The following HIF1A variants were observed in gnomAD, a reference collection of about 807,000 sequenced individuals.
The protein encoded by HIF1A is hypoxia inducible factor 1 subunit alpha, also known as hypoxia-inducible factor 1-alpha.
HIF1A carries 24 observed loss-of-function variants against 92.7 expected under a neutral mutation model. The observed-to-expected ratio is 0.26, with a 90% CI of 0.19 to 0.36. The LOEUF (loss-of-function observed/expected upper bound fraction) is 0.36. HIF1A is among the 10% of genes least tolerant of loss of function. The pLI is 1.00. For synonymous variants in HIF1A, 319 were observed against 338.7 expected (o/e 0.94, Z 0.64); for missense variants, 799 against 998.5 (o/e 0.80, Z 2.69).
intron 12 of HIF1A, among the ~76,000 whole-genome samples, chr14:61,743,276 G>A (rs1351374191): frequency 6.6e-6 from 1 of 152,090 alleles, no homozygotes; most frequent in Non-Finnish European, 1.5e-5. Flanking sequence ...TCTCCAGGTT[G>A]ATCAGGCTGG....
chr14:61,740,565 T>C lies in HIF1A; in HGVS notation c.1597T>C (p.Leu533=). 1.2e-6 allele frequency: 2 copies of C among 1,606,744 alleles called. No homozygotes were observed. The highest frequency in any genetic ancestry group is 1.7e-6 in the Non-Finnish European group (2 of 1,174,146). ...VDSDMVNEFK[L]ELVEKLFAED... The stretch of plus-strand genomic sequence containing the variant: ...TAGTGATATGGTCAATGAATTCAAG[T>C]TGGAATTGGTAGAAAAACTTTTTGC... The change falls in exon 11 of 15, where the codon TTG becomes CTG. Residue 533 remains leucine (L), a synonymous_variant. Coordinates refer to ENST00000337138, the MANE Select transcript of HIF1A (RefSeq NM_001530.4).
chr14:61,708,362 A>T (rs2044266879), intron 1 of HIF1A, among the ~76,000 whole-genome samples: 1 of 152,102 alleles, frequency 6.6e-6, no homozygotes, highest in Non-Finnish European at 1.5e-5. Flanking sequence ...GGTGTTTTAA[A>T]CATGAAGTCC....
intron 1 of HIF1A, among the ~76,000 whole-genome samples, chr14:61,710,118 AATTTTTTTTG>A (rs1333934118): frequency 6.6e-6 from 1 of 152,120 alleles, no homozygotes; most frequent in Non-Finnish European, 1.5e-5. Flanking sequence ...AATCATACTC[AATTTTTTTTG>A]TATAGCCTGC....
intron 1 of HIF1A, chr14:61,717,051 T>C (rs901100045): frequency 6.6e-6 from 1 of 152,214 alleles, no homozygotes; most frequent in African/African-American, 2.4e-5. Context: ...TTATAAAATT[T>C]AGAGAAATAT....
At chr14:61,699,527 G>C (rs972562233) in intron 1 of HIF1A, among the ~76,000 whole-genome samples, 2 of 151,766 alleles carry the variant, frequency 1.3e-5, no homozygotes, top group Non-Finnish European at 2.9e-5. Flanking sequence ...GATGTGCATG[G>C]ATGTTAAAGA....
chr14:61,738,970 T>C (rs1319260892), intron 10 of HIF1A, among the ~76,000 whole-genome samples: 1 of 152,038 alleles, frequency 6.6e-6, no homozygotes, highest in Non-Finnish European at 1.5e-5. Context: ...AGGCTGGTTT[T>C]AAACTCCTGG....
intron 1 of HIF1A, among the ~76,000 whole-genome samples, chr14:61,714,522 T>C (rs2044341818): frequency 6.6e-6 from 1 of 152,180 alleles, no homozygotes; most frequent in Non-Finnish European, 1.5e-5. Context: ...TTCCAGTGTT[T>C]ATGCCACCAT....
At chr14:61,722,016 C>T (rs1274333191) in intron 4 of HIF1A, among the ~76,000 whole-genome samples, 193 bp downstream of exon 4, 1 of 151,774 alleles carries the variant, frequency 6.6e-6, no homozygotes, top group Non-Finnish European at 1.5e-5. Flanking sequence ...CACCTAATTG[C>T]ATAAATAATT....
chr14:61,708,247 G>T (rs1483673638), intron 1 of HIF1A, among the ~76,000 whole-genome samples: 2 of 152,138 alleles, frequency 1.3e-5, no homozygotes, highest in African/African-American at 2.4e-5. Context: ...CTCCCATTCT[G>T]TAGGTTGCCT....
chr14:61,698,223 C>T (rs578165767), intron 1 of HIF1A, among the ~76,000 whole-genome samples: 2 of 152,198 alleles, frequency 1.3e-5, no homozygotes, highest in African/African-American at 4.8e-5. Flanking sequence ...AAGAAGCTCT[C>T]TCATTTATTA....
rs552582759 is a variant in HIF1A, at chr14:61,697,053, T to G, written c.35+1214T>G. 2.0e-5 allele frequency among the ~76,000 whole-genome samples: 3 copies of G among 152,212 alleles called. No homozygotes were observed. In the South Asian group the frequency reaches 6.2e-4, roughly 32 times the overall value. ...AGGAATTGAAGATTTAGAGTAAGAGTTTTGGTTAGTAGACTGGCTTTGCTG... is the reference window on the plus strand; with the variant it reads ...AGGAATTGAAGATTTAGAGTAAGAGGTTTGGTTAGTAGACTGGCTTTGCTG... On this transcript the variant is annotated intron_variant, in intron 1 of 14. Coordinates refer to ENST00000337138, the MANE Select transcript of HIF1A (RefSeq NM_001530.4).
At chr14:61,697,786 T>C (rs983156618) in intron 1 of HIF1A, 1 of 1,449,360 alleles carries the variant, frequency 6.9e-7, no homozygotes, top group Admixed American at 2.9e-5. Flanking sequence ...TTACAGTTTT[T>C]TGAAAGATAA....
At position 61,740,987 on chromosome 14, in the gene HIF1A, G is replaced by A. The variant is rs199752292; in HGVS notation, c.1892G>A (p.Arg631His). ...GAATTAAAAACAGTGACAAAAGACC[G>A]TATGGAAGACATTAAAATATTGATT... ...TDELKTVTKDRMEDIKILIAS... is the reference protein window; with the variant it reads ...TDELKTVTKDHMEDIKILIAS... The change falls in exon 12 of 15, where the codon CGT (arginine) becomes CAT (histidine). Residue 631 changes from arginine (R) to histidine (H), a missense_variant. Coordinates refer to ENST00000337138, the MANE Select transcript of HIF1A (RefSeq NM_001530.4). 7.7e-5 allele frequency: 125 copies of A among 1,613,992 alleles called. No homozygotes were observed. The East Asian group carries it at 8.5e-4, about 11-fold the overall frequency.
At chr14:61,706,673 A>G (rs2044242278) in intron 1 of HIF1A, among the ~76,000 whole-genome samples, 1 of 152,218 alleles carries the variant, frequency 6.6e-6, no homozygotes, top group Non-Finnish European at 1.5e-5. Context: ...CTGAGTGTCT[A>G]GTTGCTCTAT....
chr14:61,709,557 A>G (rs1470296665), intron 1 of HIF1A, among the ~76,000 whole-genome samples: 1 of 152,172 alleles, frequency 6.6e-6, no homozygotes, highest in African/African-American at 2.4e-5. Context: ...AGGTGAATAA[A>G]TCCATCTTTT....
At chr14:61,736,105 A>G (rs1050023955) in intron 8 of HIF1A, among the ~76,000 whole-genome samples, 2 of 151,472 alleles carry the variant, frequency 1.3e-5, no homozygotes, top group African/African-American at 4.9e-5. Flanking sequence ...CAGCCTCCCA[A>G]GTAGCTGGGA....
intron 8 of HIF1A, among the ~76,000 whole-genome samples, chr14:61,735,989 T>A (rs539755864): frequency 1.9e-4 from 5 of 26,220 alleles, no homozygotes; most frequent in Non-Finnish European, 5.5e-4. Context: ...GAAATTCTTT[T>A]TTTCTTTTTT....
At chr14:61,714,036 GT>G (rs1441102149) in intron 1 of HIF1A, among the ~76,000 whole-genome samples, 2 of 152,174 alleles carry the variant, frequency 1.3e-5, no homozygotes. Context: ...GAAAAAAGCT[GT>G]TGGAGAGTTT....
rs1254926717 is a variant in HIF1A, at chr14:61,737,120, AT to A, written c.1249+16del. Reference sequence around the variant, plus strand: ...ATTTTGGCAGCAACGGTGAGTAGTTATTTTTGTTAATCCCCTAAATTGTGTC... The same window carrying A: ...ATTTTGGCAGCAACGGTGAGTAGTTATTTTGTTAATCCCCTAAATTGTGTC... On this transcript the variant is annotated intron_variant, in intron 9 of 14. Coordinates refer to ENST00000337138, the MANE Select transcript of HIF1A (RefSeq NM_001530.4). 6.3e-7 allele frequency: 1 copy of A among 1,586,776 alleles called. No individual in the cohort carries two copies.
Sources: allele counts gnomAD v4.1 joint callset (sites outside exome capture counted in the v4.1 genomes callset), GRCh38; gene constraint gnomAD v4.1.1; transcripts MANE v1.5; gene names NCBI Gene and HGNC (gene_info 2026-07-23, HGNC 2026-07-21).